The following CACNA1C variants were observed in gnomAD, a reference collection of about 807,000 sequenced individuals.
The protein encoded by CACNA1C is voltage-dependent L-type calcium channel subunit alpha-1C.
In CACNA1C, 30 loss-of-function variants were observed where a neutral mutation model predicts 229.0. The observed-to-expected ratio is 0.13, with a 90% CI of 0.10 to 0.18. The LOEUF (loss-of-function observed/expected upper bound fraction) is 0.18, where lower values mean the gene tolerates loss of function less well. Among genes scored for constraint, CACNA1C ranks in the 10% least tolerant of loss-of-function variants. CACNA1C has a pLI of 1.00. For synonymous variants in CACNA1C, 1,114 were observed against 1,132.5 expected (o/e 0.98, Z 0.33); for missense variants, 1,658 against 2,845.0 (o/e 0.58, Z 9.49).
rs12322529 is a variant in CACNA1C at position 2,407,397 on chromosome 12, T to C, written c.478-41579T>C. Among the ~76,000 whole-genome samples, 10 of 68,450 alleles carry C rather than the reference T, an allele frequency of 1.5e-4. 1 individual carries two copies. The highest frequency in any genetic ancestry group is 1.8e-4 in the Admixed American group (1 of 5,490). 44.9% of individuals were successfully genotyped at this position (68,450 alleles called of 152,430 possible). A position where few individuals can be genotyped will look rare whatever the true frequency, so the allele number is the denominator to read the frequency against. On this transcript the variant is annotated intron_variant, in intron 3 of 46. Transcript: ENST00000399655. Reference sequence around the variant, plus strand: ...CGACACCATGTGGGTACTGGGGAGCTTCATCATGACCCAGTGGGAAGGAAC... The same window carrying C: ...CGACACCATGTGGGTACTGGGGAGCCTCATCATGACCCAGTGGGAAGGAAC...
intron 3 of CACNA1C, 71 bp from the exon 4 acceptor site, chr12:2,448,905 A>C (rs949876446): frequency 7.6e-7 from 1 of 1,315,354 alleles, no homozygotes; most frequent in African/African-American, 1.5e-5. Context: ...TGTGAGATCT[A>C]CTGGTTCCAA....
intron 11 of CACNA1C, among the ~76,000 whole-genome samples, chr12:2,562,701 C>A (rs1045543130): frequency 6.6e-6 from 1 of 152,164 alleles, no homozygotes; most frequent in East Asian, 1.9e-4. Flanking sequence ...GTGCAAGAAT[C>A]CCAAAGTGCA....
In CACNA1C at chr12:2,651,656, C is replaced by T. The variant is rs779278894; in HGVS notation, c.3962C>T (p.Ser1321Phe). The stretch of plus-strand genomic sequence containing the variant: ...GGGTTCCAGAACGCAGAGGAAAACT[C>T]CCGCATCTCCATCACCTTCTTCCGC... ...CSPSMNAEEN[S>F]RISITFFRLF... is the part of the protein sequence containing the mutation. The change falls in exon 32 of 47, where the codon TCC becomes TTC. Residue 1321 changes from serine (S) to phenylalanine (F), a missense_variant. Transcript: ENST00000399655. This position sits in a 1 kb window ranked among gnomAD's most constrained non-coding sequence, Gnocchi z 5.4. 1 of 1,613,912 alleles carries T rather than the reference C, an allele frequency of 6.2e-7. No individual in the cohort carries two copies. The highest frequency in any genetic ancestry group is 8.5e-7 in the Non-Finnish European group (1 of 1,179,854).
intron 3 of CACNA1C, among the ~76,000 whole-genome samples, chr12:2,332,765 G>A (rs1049206534): frequency 6.6e-6 from 1 of 152,172 alleles, no homozygotes; most frequent in Non-Finnish European, 1.5e-5. Context: ...CATGTCCTGT[G>A]AAATACCAGA....
chr12:2,463,201 A>G (rs541563881), intron 5 of CACNA1C, among the ~76,000 whole-genome samples: 57 of 152,198 alleles, frequency 3.7e-4, no homozygotes, highest in Admixed American at 7.8e-4. Flanking sequence ...GAGCCACCGC[A>G]CCCGGCCTAA....
At chr12:2,256,889 A>G (rs1412607124) in intron 3 of CACNA1C, among the ~76,000 whole-genome samples, 3 of 152,136 alleles carry the variant, frequency 2.0e-5, no homozygotes, top group African/African-American at 7.2e-5. Flanking sequence ...AAAATAGTAA[A>G]TGGATTAGTT....
At chr12:2,217,652 TTTAATCC>T (rs1201433343) in intron 3 of CACNA1C, 1 of 152,224 alleles carries the variant, frequency 6.6e-6, no homozygotes, top group Non-Finnish European at 1.5e-5. Context: ...CTTGATTTGG[TTTAATCC>T]TTATTTCTTG....
intron 3 of CACNA1C, among the ~76,000 whole-genome samples, chr12:2,127,179 G>A (rs1224485441): frequency 1.3e-5 from 2 of 152,158 alleles, no homozygotes; most frequent in African/African-American, 4.8e-5. Context: ...CTGTCAGCCT[G>A]AGGTTCCCCC....
Position 2,601,788 on chromosome 12 carries a change from G to A in CACNA1C, c.2854-66G>A. 1 of 966,926 alleles carries A rather than the reference G, an allele frequency of 1.0e-6. No individual in the cohort carries two copies. Among genetic ancestry groups the A allele is most frequent in the Non-Finnish European group, 1.7e-6 (1 of 590,116 alleles). 59.9% of individuals were successfully genotyped at this position (966,926 alleles called of 1,614,324 possible). On this transcript the variant is annotated intron_variant, in intron 21 of 46. Transcript: ENST00000399655. The surrounding 1 kb of genome is among the most constrained non-coding windows in gnomAD (Gnocchi z 5.9). ...AGGGATGCTGTGGGAGGAAGGGGTG[G>A]TGTGAGGGGTCTCTGGGCTAGGGCT...
chr12:2,364,236 A>G (rs550187203), intron 3 of CACNA1C, among the ~76,000 whole-genome samples: 2 of 152,324 alleles, frequency 1.3e-5, no homozygotes, highest in South Asian at 4.1e-4. Context: ...GTGAATGCCT[A>G]TAAGGACAAA....
rs991411949 is a variant in CACNA1C at position 2,348,647 on chromosome 12, A to T, written c.478-100329A>T. Among the ~76,000 whole-genome samples the T allele has an allele frequency of 6.6e-6, 1 of 151,972 alleles. No homozygotes were observed. The highest frequency in any genetic ancestry group is 6.6e-5 in the Admixed American group (1 of 15,262). Reference sequence around the variant, plus strand: ...TGTTTGGCATGCTGAATATAAACTCATGCTTCCGTCTGCTGCCACACTTTA... The same window carrying T: ...TGTTTGGCATGCTGAATATAAACTCTTGCTTCCGTCTGCTGCCACACTTTA... On this transcript the variant is annotated intron_variant, in intron 3 of 46. Transcript: ENST00000399655. This position sits in a 1 kb window ranked among gnomAD's most constrained non-coding sequence, Gnocchi z 4.7.
chr12:2,445,169 C>G (rs201512166), intron 3 of CACNA1C, among the ~76,000 whole-genome samples: 1 of 152,328 alleles, frequency 6.6e-6, no homozygotes, highest in South Asian at 2.1e-4. Flanking sequence ...CTCCCTACCC[C>G]CAGCACCTAA....
intron 30 of CACNA1C, among the ~76,000 whole-genome samples, chr12:2,638,934 A>T (rs992369937): frequency 6.6e-6 from 1 of 152,166 alleles, no homozygotes; most frequent in Non-Finnish European, 1.5e-5. Flanking sequence ...TCACAACAAG[A>T]TGGTACCCAA....
In CACNA1C at chr12:2,578,110, C is replaced by T. The variant is rs562980149; in HGVS notation, c.1896-3480C>T. Reference sequence around the variant, plus strand: ...GTCTCGATCTCCTGACCTCGTGATCCGCCCGCCTCGGCCTCCCAAAGTGCT... The same window carrying T: ...GTCTCGATCTCCTGACCTCGTGATCTGCCCGCCTCGGCCTCCCAAAGTGCT... On this transcript the variant is annotated intron_variant, in intron 13 of 46. Transcript: ENST00000399655. 3.9e-4 allele frequency among the ~76,000 whole-genome samples: 59 copies of T among 152,154 alleles called. 1 individual carries two copies. Among genetic ancestry groups the T allele is most frequent in the African/African-American group, 1.3e-3 (54 of 41,514 alleles).
intron 3 of CACNA1C, among the ~76,000 whole-genome samples, chr12:2,437,618 G>C (rs903115333): frequency 6.6e-6 from 1 of 152,214 alleles, no homozygotes; most frequent in African/African-American, 2.4e-5. Flanking sequence ...GCTAATGGCA[G>C]CTATGGTGGA....
intron 3 of CACNA1C, among the ~76,000 whole-genome samples, chr12:2,235,157 C>A (rs1297535995): frequency 6.6e-6 from 1 of 152,236 alleles, no homozygotes; most frequent in Non-Finnish European, 1.5e-5. Context: ...CTTCGGCCTG[C>A]TCCCGGGGGA....
intron 9 of CACNA1C, among the ~76,000 whole-genome samples, chr12:2,549,472 G>T (rs563617559): frequency 5.3e-5 from 8 of 152,212 alleles, no homozygotes; most frequent in Admixed American, 5.2e-4. Flanking sequence ...TAGCAAGCAC[G>T]CCCTTTCTAC....
In CACNA1C at chr12:2,177,632, CTCTCTTTCTT is replaced by C. The variant is rs1566165644; in HGVS notation, c.477+57206_477+57215del. Among the ~76,000 whole-genome samples, 276 of 118,262 alleles carry C rather than the reference CTCTCTTTCTT, an allele frequency of 2.3e-3. 3 individuals are homozygous for C. The highest frequency in any genetic ancestry group is 7.6e-3 in the African/African-American group (245 of 32,080). 77.6% of individuals were successfully genotyped at this position (118,262 alleles called of 152,430 possible). A position where few individuals can be genotyped will look rare whatever the true frequency, so the allele number is the denominator to read the frequency against. On this transcript the variant is annotated intron_variant, in intron 3 of 46. Coordinates refer to ENST00000399655, the MANE Select transcript of CACNA1C (RefSeq NM_000719.7). ...TCCTTCCTTCCTTCCTTCCTTCTCT[CTCTCTTTCTT>C]TCTTTCTTTCTTTTTCTTTCTTCTC...
At chr12:2,036,128 T>A (rs960085389) in intron 1 of CACNA1C, among the ~76,000 whole-genome samples, 5 of 152,244 alleles carry the variant, frequency 3.3e-5, no homozygotes, top group Non-Finnish European at 7.3e-5. Flanking sequence ...GCTGCATTGG[T>A]ATCGTGTGCA....
Sources: allele counts gnomAD v4.1 joint callset (sites outside exome capture counted in the v4.1 genomes callset), GRCh38; gene constraint gnomAD v4.1.1; non-coding constraint Gnocchi (gnomAD v3.1); transcripts MANE v1.5; gene names NCBI Gene and HGNC (gene_info 2026-07-23, HGNC 2026-07-21).